The following SPATA22 variants were observed in gnomAD, a reference collection of about 807,000 sequenced individuals.
SPATA22 encodes the protein spermatogenesis-associated protein 22.
A neutral mutation model predicts 47.8 loss-of-function variants in SPATA22; 29 were observed. That is an observed-to-expected ratio of 0.61 (90% confidence interval 0.45 to 0.83). The LOEUF is 0.83. Ranked by LOEUF, SPATA22 falls within the 40% of genes least tolerant of loss-of-function variation. The probability of loss-of-function intolerance (pLI) is 0.00; values close to 1 mark genes in which losing one functional copy is unlikely to be tolerated. For missense variants in SPATA22, 410 were observed against 421.7 expected, an observed-to-expected ratio of 0.97 and a Z score of 0.24; for synonymous variants, 133 against 140.9, an observed-to-expected ratio of 0.94 and a Z score of 0.40.
At chr17:3,487,520 G>A (rs543009166) in intron 1 of SPATA22, among the ~76,000 whole-genome samples, 3 of 152,310 alleles carry the variant, frequency 2.0e-5, no homozygotes, top group South Asian at 4.1e-4. Flanking sequence ...ATTGATATTT[G>A]AGAGTTTGGA....
rs183601682 is a variant in SPATA22, at chr17:3,478,084, C to T, written c.-73-8686G>A. Among the ~76,000 whole-genome samples the T allele has an allele frequency of 1.7e-3, 260 of 152,154 alleles. No individual in the cohort carries two copies. In the Middle Eastern group the frequency reaches 0.02, roughly 12 times the overall value. Reference sequence around the variant, plus strand: ...CCTGTAGTCCCAGCTATTCGGGAGACTGAGGCAGGAGAATGGCGTGAACCT... The same window carrying T: ...CCTGTAGTCCCAGCTATTCGGGAGATTGAGGCAGGAGAATGGCGTGAACCT... On this transcript the variant is annotated intron_variant, in intron 1 of 8. Coordinates refer to the SPATA22 transcript ENST00000541913.
chr17:3,465,928 A>G (rs1490618883), intron 3 of SPATA22, among the ~76,000 whole-genome samples: 1 of 152,084 alleles, frequency 6.6e-6, no homozygotes, highest in African/African-American at 2.4e-5. Context: ...GGAGTAGCTC[A>G]ATTTTTCAAG....
At chr17:3,449,364 T>C (rs1374553299) in intron 5 of SPATA22, among the ~76,000 whole-genome samples, 2 of 152,158 alleles carry the variant, frequency 1.3e-5, no homozygotes, top group Non-Finnish European at 2.9e-5. Context: ...GGAATTAACT[T>C]GTCCAAAGTC....
intron 1 of SPATA22, among the ~76,000 whole-genome samples, chr17:3,491,287 A>C (rs1053525734): frequency 6.6e-6 from 1 of 152,248 alleles, no homozygotes; most frequent in African/African-American, 2.4e-5. Flanking sequence ...ATGTTTAAAA[A>C]AAATCCCAGA....
chr17:3,509,416 T>C lies in SPATA22; in HGVS notation c.-74+3996A>G, dbSNP rs554927896. 2.0e-5 allele frequency among the ~76,000 whole-genome samples: 3 copies of C among 152,230 alleles called. No homozygotes were observed. In the East Asian group the frequency reaches 5.8e-4, roughly 29 times the overall value. ...CACTTATGAGTGAGAACATGTGGTG[T>C]TTGGTTTTCTGTTCCTGTGTTAGTT... is the stretch of plus-strand genomic sequence containing the variant. On this transcript the variant is annotated intron_variant, in intron 1 of 8. Coordinates refer to the SPATA22 transcript ENST00000541913.
In SPATA22 at chr17:3,488,437, A is replaced by G. The variant is rs1462711898; in HGVS notation, c.-73-19039T>C. Among the ~76,000 whole-genome samples, 1 of 152,164 alleles carries G rather than the reference A, an allele frequency of 6.6e-6. No individual in the cohort carries two copies. Among genetic ancestry groups the G allele is most frequent in the Non-Finnish European group, 1.5e-5 (1 of 68,036 alleles). ...TTGGGGAAGCCGAGAAGGGCAGATTACCTGCGGTCAGGAGTTTGAGACCAG... is the reference window on the plus strand; with the variant it reads ...TTGGGGAAGCCGAGAAGGGCAGATTGCCTGCGGTCAGGAGTTTGAGACCAG... On this transcript the variant is annotated intron_variant, in intron 1 of 8. Coordinates refer to the SPATA22 transcript ENST00000541913. This position sits in a 1 kb window ranked among gnomAD's most constrained non-coding sequence, Gnocchi z 6.1.
chr17:3,459,907 G>A (rs1445565966), intron 5 of SPATA22, among the ~76,000 whole-genome samples: 2 of 152,082 alleles, frequency 1.3e-5, no homozygotes, highest in East Asian at 1.9e-4. Flanking sequence ...GATATTGGGG[G>A]CCTGCCACCT....
In SPATA22 at chr17:3,489,265, T is replaced by C. The variant is rs747438350; in HGVS notation, c.-73-19867A>G. 1 of 1,612,778 alleles carries C rather than the reference T, an allele frequency of 6.2e-7. No individual in the cohort carries two copies. The highest frequency in any genetic ancestry group is 1.7e-5 in the Admixed American group (1 of 59,978). ...GAAGTTGGTCCTCAGCCTCAAGGGG[T>C]TCTGAGAGCTGATATCTTGGATCAA... On this transcript the variant is annotated intron_variant, in intron 1 of 8. Transcript: ENST00000541913.
At chr17:3,455,243 G>A (rs1031161857) in intron 5 of SPATA22, among the ~76,000 whole-genome samples, 4 of 151,874 alleles carry the variant, frequency 2.6e-5, no homozygotes, top group Non-Finnish European at 5.9e-5. Flanking sequence ...CATTTTGTAG[G>A]TTGCCTGTTC....
upstream of SPATA22, among the ~76,000 whole-genome samples, chr17:3,475,233 A>T (rs956937967): frequency 6.6e-6 from 1 of 152,038 alleles, no homozygotes; most frequent in Non-Finnish European, 1.5e-5. Flanking sequence ...ATTCTGGAAA[A>T]TTTCCCCTAA....
At chr17:3,476,651 C>T (rs2073528497), upstream of SPATA22, among the ~76,000 whole-genome samples, 2 of 152,162 alleles carry the variant, frequency 1.3e-5, no homozygotes, top group Admixed American at 1.3e-4. Context: ...TGTATACAGA[C>T]TGAGACAATA....
chr17:3,483,882 T>G (rs2073676350), intron 1 of SPATA22, among the ~76,000 whole-genome samples: 1 of 152,096 alleles, frequency 6.6e-6, no homozygotes, highest in Non-Finnish European at 1.5e-5. Flanking sequence ...GGCCTCAAAC[T>G]CCTGACCTCA....
chr17:3,507,310 TG>T (rs2074049841), intron 1 of SPATA22, among the ~76,000 whole-genome samples: 1 of 152,210 alleles, frequency 6.6e-6, no homozygotes, highest in African/African-American at 2.4e-5. Context: ...AAACATTAAA[TG>T]AGACATGTAT....
chr17:3,494,502 T>C, intron 1 of SPATA22: 1 of 1,494,822 alleles, frequency 6.7e-7, no homozygotes, highest in Non-Finnish European at 9.3e-7. Flanking sequence ...ATAATAATGC[T>C]GTACCTTTGA....
chr17:3,463,929 C>CTCTCCCTCTCCCTCTCCA, intron 3 of SPATA22, among the ~76,000 whole-genome samples: 7 of 87,956 alleles, frequency 8.0e-5, no homozygotes, highest in Non-Finnish European at 1.7e-4. Context: ...CTCCCTCTCC[C>CTCTCCCTCTCCCTCTCCA]TCTCCCTCTC....
chr17:3,507,189 AG>A (rs1283277819), intron 1 of SPATA22, among the ~76,000 whole-genome samples: 1 of 152,216 alleles, frequency 6.6e-6, no homozygotes, highest in Non-Finnish European at 1.5e-5. Context: ...GTGGGGTCAC[AG>A]GTTTAAGAAG....
At chr17:3,498,963 G>A (rs1246552707) in intron 1 of SPATA22, 1 of 1,613,896 alleles carries the variant, frequency 6.2e-7, no homozygotes, top group African/African-American at 1.3e-5. Flanking sequence ...GATCCCACTG[G>A]GCGGAGACTG....
chr17:3,448,677 T>C (rs2072783155), intron 6 of SPATA22, 130 bp downstream of exon 6: 8 of 672,646 alleles, frequency 1.2e-5, no homozygotes, highest in Non-Finnish European at 1.7e-5. Context: ...TGGAACTGAA[T>C]ATTTATGCTA....
intron 1 of SPATA22, chr17:3,481,542 T>C: frequency 6.8e-7 from 1 of 1,469,008 alleles, no homozygotes; most frequent in Non-Finnish European, 9.4e-7. Flanking sequence ...GTGTTCTTAT[T>C]ATATGTTTAT....
Sources: allele counts gnomAD v4.1 joint callset (sites outside exome capture counted in the v4.1 genomes callset), GRCh38; gene constraint gnomAD v4.1.1; non-coding constraint Gnocchi (gnomAD v3.1); transcripts MANE v1.5; gene names NCBI Gene and HGNC (gene_info 2026-07-23, HGNC 2026-07-21).